The following CFLAR variants were observed in gnomAD, a reference collection of about 807,000 sequenced individuals.
CFLAR encodes the protein CASP8 and FADD like apoptosis regulator, also known as CASP8 and FADD-like apoptosis regulator.
A neutral mutation model predicts 51.1 loss-of-function variants in CFLAR; 14 were observed. That is an observed-to-expected ratio of 0.27 (90% confidence interval 0.18 to 0.43). The LOEUF (loss-of-function observed/expected upper bound fraction) is 0.43, where lower values mean the gene tolerates loss of function less well. Among genes scored for constraint, CFLAR ranks in the 20% least tolerant of loss-of-function variants. The pLI is 1.00. For synonymous variants in CFLAR, 210 were observed against 211.6 expected (o/e 0.99, Z 0.06); for missense variants, 390 against 566.5 (o/e 0.69, Z 3.16).
intron 2 of CFLAR, chr2:201,132,687 A>G (rs2049492465): frequency 9.9e-6 from 2 of 202,094 alleles, no homozygotes; most frequent in Non-Finnish European, 2.0e-5. Flanking sequence ...TCTGTCTTTT[A>G]TGTTAGTCAT....
In CFLAR at chr2:201,160,722, G is replaced by T; in HGVS notation, c.1084G>T (p.Val362Leu). ...PKMFFIQNYV[V>L]SEGQLEDSSL... ...GATGTTTTTTATTCAGAACTATGTG[G>T]TGTCAGAGGGCCAGCTGGAGGACAG... The change falls in exon 9 of 10, where the codon GTG becomes TTG. Residue 362 changes from valine to leucine, a missense_variant. Val to Leu is a conservative substitution (Grantham distance 32, BLOSUM62 1). Around this residue, in one of 2 missense-constraint regions of CFLAR, gnomAD observed 287 missense variants for 363.6 expected, o/e 0.79. Coordinates refer to ENST00000309955, the MANE Select transcript of CFLAR (RefSeq NM_003879.7). The T allele has an allele frequency of 6.2e-7, 1 of 1,614,166 alleles. No homozygotes were observed. Among genetic ancestry groups the T allele is most frequent in the Non-Finnish European group, 8.5e-7 (1 of 1,180,026 alleles).
chr2:201,155,646 C>T (rs1942048264), intron 8 of CFLAR, among the ~76,000 whole-genome samples: 1 of 151,888 alleles, frequency 6.6e-6, no homozygotes, highest in Admixed American at 6.6e-5. Flanking sequence ...TTTTTTGAGA[C>T]AGGGTCTTGC....
intron 2 of CFLAR, 41 bp downstream of exon 2, chr2:201,130,187 G>GGGTGGGGGGGGGGA: frequency 3.4e-6 from 1 of 292,394 alleles, no homozygotes; most frequent in Non-Finnish European, 7.1e-6. Flanking sequence ...GGGTGGGAGG[G>GGGTGGGGGGGGGGA]AGTGAAGTGT....
intron 2 of CFLAR, 41 bp downstream of exon 2, chr2:201,130,187 G>GGGGGGGGGGGGCC: frequency 2.4e-5 from 7 of 292,380 alleles, no homozygotes; most frequent in East Asian, 1.9e-4. Context: ...GGGTGGGAGG[G>GGGGGGGGGGGGCC]AGTGAAGTGT....
intron 9 of CFLAR, chr2:201,163,268 G>T (rs1310663130): frequency 2.8e-5 from 36 of 1,293,822 alleles, no homozygotes; most frequent in Admixed American, 3.8e-5. Flanking sequence ...TTTTCTAAGA[G>T]AAACATCAGT....
chr2:201,128,717 T>G (rs2048941742), intron 1 of CFLAR, among the ~76,000 whole-genome samples: 1 of 152,226 alleles, frequency 6.6e-6, no homozygotes, highest in African/African-American at 2.4e-5. Flanking sequence ...ACTTATTTTT[T>G]GTTAATAAAT....
rs1944135308 is a variant in CFLAR, at chr2:201,174,368, AT to A, written c.*10401del. The A allele has an allele frequency of 6.6e-6, 1 of 152,112 alleles. No homozygotes were observed. Among genetic ancestry groups the A allele is most frequent in the African/African-American group, 2.4e-5 (1 of 41,404 alleles). The allele number at this position is 152,112 out of a possible 1,614,324, so 9.4% of individuals were successfully genotyped here. The stretch of plus-strand genomic sequence containing the variant: ...CTTAGCATTACTTATTGAAAATACT[AT>A]TTTTTCCCTATAGAATTATTTTATA... On this transcript the variant is annotated 3_prime_UTR_variant, in exon 10 of 10. Transcript: ENST00000309955.
chr2:201,142,772 T>C (rs1424115801), intron 5 of CFLAR: 1 of 152,868 alleles, frequency 6.5e-6, no homozygotes, highest in African/African-American at 2.4e-5. Context: ...GGTAATTTTA[T>C]ATTTTTAGTA....
At chr2:201,117,505 T>G (rs539899346) in intron 1 of CFLAR, among the ~76,000 whole-genome samples, 9 of 152,286 alleles carry the variant, frequency 5.9e-5, no homozygotes, top group Admixed American at 5.2e-4. Flanking sequence ...ACATTTGAAA[T>G]TTGTTCTTAA....
At chr2:201,137,998 G>T (rs532712600) in intron 4 of CFLAR, 16 of 738,934 alleles carry the variant, frequency 2.2e-5, no homozygotes, top group Non-Finnish European at 3.8e-5. Flanking sequence ...CCAAAGTTCT[G>T]GGTATGCTTG....
In CFLAR at chr2:201,168,034, G is replaced by A. The variant is rs1190711529; in HGVS notation, c.*4061G>A. ...CAAGGCGGGCGGATCACGAGGTCAG[G>A]AGATCAAGACCATCCTGGCTAACAT... On this transcript the variant is annotated 3_prime_UTR_variant, in exon 10 of 10. Transcript: ENST00000309955. 2.0e-5 allele frequency: 3 copies of A among 152,288 alleles called. No homozygotes were observed. The highest frequency in any genetic ancestry group is 4.4e-5 in the Non-Finnish European group (3 of 68,112). The allele number at this position is 152,288 out of a possible 1,614,324, so 9.4% of individuals were successfully genotyped here. A position where few individuals can be genotyped will look rare whatever the true frequency, so the allele number is the denominator to read the frequency against.
At chr2:201,125,943 C>T (rs571999434) in intron 1 of CFLAR, among the ~76,000 whole-genome samples, 2 of 152,120 alleles carry the variant, frequency 1.3e-5, no homozygotes, top group East Asian at 3.9e-4. Flanking sequence ...TCCTGGGACT[C>T]GGTCACCCTA....
rs34626406 is a variant in CFLAR at position 201,167,084 on chromosome 2, TTTC to T, written c.*3114_*3116del. On this transcript the variant is annotated 3_prime_UTR_variant, in exon 10 of 10. Transcript: ENST00000309955. ...ATTTTATGATTTATTTATTTTTCTA[TTTC>T]TTGAGGTTTTAACTGATGTGTATCT... The T allele has an allele frequency of 0.47, 71,610 of 151,610 alleles. 17,125 individuals are homozygous for T. Among genetic ancestry groups the T allele is most frequent in the Non-Finnish European group, 0.51 (34,774 of 67,800 alleles). 9.4% of individuals were successfully genotyped at this position (151,610 alleles called of 1,614,324 possible).
At position 201,140,367 on chromosome 2, in the gene CFLAR, A is replaced by G. The variant is rs1938394775; in HGVS notation, c.534A>G (p.Ala178=). Residue 178 remains alanine (A), a synonymous_variant, in exon 5 of 10, where the codon GCA becomes GCG. Transcript: ENST00000309955. ...CTTCTGCTTTTATAGTTCAAGGAGCAGGGACAAGTTACAGGAATGTTCTCC... is the reference window on the plus strand; with the variant it reads ...CTTCTGCTTTTATAGTTCAAGGAGCGGGGACAAGTTACAGGAATGTTCTCC... ...IQKYKQSVQG[A]GTSYRNVLQA... is the part of the protein sequence containing the mutation. 1.9e-6 allele frequency: 3 copies of G among 1,608,694 alleles called. No individual in the cohort carries two copies. Among genetic ancestry groups the G allele is most frequent in the South Asian group, 1.1e-5 (1 of 90,168 alleles).
In CFLAR at chr2:201,133,141, TTTC is replaced by T; in HGVS notation, c.387+13_387+15del. 6.2e-7 allele frequency: 1 copy of T among 1,605,786 alleles called. No individual in the cohort carries two copies. Among genetic ancestry groups the T allele is most frequent in the Non-Finnish European group, 8.5e-7 (1 of 1,172,570 alleles). ...CAAGATAAGCAAGGAGAAGGTGAGT[TTTC>T]TTCTTTTGGTTCATGGCCCCAGGAG... On this transcript the variant is annotated splice_region_variant and intron_variant, in intron 3 of 9. Coordinates refer to ENST00000309955, the MANE Select transcript of CFLAR (RefSeq NM_003879.7).
chr2:201,131,676 G>C (rs1312095822), intron 2 of CFLAR, among the ~76,000 whole-genome samples: 1 of 152,104 alleles, frequency 6.6e-6, no homozygotes, highest in Non-Finnish European at 1.5e-5. Flanking sequence ...AACTTGGAAA[G>C]CCTGTTTTTT....
intron 4 of CFLAR, chr2:201,136,559 G>T: frequency 2.0e-6 from 3 of 1,467,276 alleles, no homozygotes; most frequent in Non-Finnish European, 2.7e-6. Flanking sequence ...GAGCACATTC[G>T]ATTTCTTCCT....
intron 2 of CFLAR, among the ~76,000 whole-genome samples, chr2:201,132,620 T>A (rs1261571772): frequency 2.0e-5 from 3 of 152,148 alleles, no homozygotes; most frequent in African/African-American, 7.2e-5. Context: ...AATATGGTCC[T>A]TGAATCAACA....
intron 7 of CFLAR, 126 bp downstream of exon 7, chr2:201,149,178 G>C (rs935869926): frequency 1.5e-6 from 1 of 645,724 alleles, no homozygotes; most frequent in African/African-American, 1.8e-5. Context: ...TTGTTCTCCT[G>C]AGAACTTCCA....
Sources: allele counts gnomAD v4.1 joint callset (sites outside exome capture counted in the v4.1 genomes callset), GRCh38; gene constraint gnomAD v4.1.1; regional missense constraint gnomAD v4.1.1; transcripts MANE v1.5; gene names NCBI Gene and HGNC (gene_info 2026-07-23, HGNC 2026-07-21).